The following SENP1 variants were observed in gnomAD, a reference collection of about 807,000 sequenced individuals.
SENP1 encodes sentrin-specific protease 1.
Under a neutral mutation model 93.0 loss-of-function variants are expected in SENP1, and 21 were observed. The observed-to-expected ratio is 0.23, with a 90% CI of 0.16 to 0.33. The LOEUF (loss-of-function observed/expected upper bound fraction) is 0.33, where lower values mean the gene tolerates loss of function less well. Ranked by LOEUF, SENP1 falls within the 10% of genes least tolerant of loss-of-function variation. SENP1 has a pLI of 1.00. For synonymous variants in SENP1, 256 were observed against 259.6 expected (o/e 0.99, Z 0.13); for missense variants, 591 against 758.7 (o/e 0.78, Z 2.60).
chr12:48,101,560 C>T, intron 1 of SENP1, 44 bp from the exon 2 acceptor site: 8 of 1,002,378 alleles, frequency 8.0e-6, no homozygotes, highest in Non-Finnish European at 1.2e-5. Context: ...TACTGAAACA[C>T]CTACTTCACT....
rs969919285 is a variant in SENP1, at chr12:48,077,282, T to C, written c.553-2489A>G. 4.6e-5 allele frequency among the ~76,000 whole-genome samples: 7 copies of C among 152,246 alleles called. No individual in the cohort carries two copies. The East Asian group carries it at 5.8e-4, about 13-fold the overall frequency. On this transcript the variant is annotated intron_variant, in intron 6 of 17. Coordinates refer to ENST00000549518, the MANE Select transcript of SENP1 (RefSeq NM_001267594.2). ...TGCTTTTTAGTTTGATGTACTCCCATGTGCCTACTTCTGCTTTTGTTGCCT... is the reference window on the plus strand; with the variant it reads ...TGCTTTTTAGTTTGATGTACTCCCACGTGCCTACTTCTGCTTTTGTTGCCT...
At chr12:48,094,590 G>T (rs1175225579) in intron 4 of SENP1, among the ~76,000 whole-genome samples, 1 of 152,064 alleles carries the variant, frequency 6.6e-6, no homozygotes, top group Non-Finnish European at 1.5e-5. Flanking sequence ...TGAGGCAGGT[G>T]AATTGCTTGA....
chr12:48,089,619 A>T (rs1372737844), intron 4 of SENP1, among the ~76,000 whole-genome samples: 1 of 152,186 alleles, frequency 6.6e-6, no homozygotes, highest in Non-Finnish European at 1.5e-5. Flanking sequence ...TTATTATTTG[A>T]ATTTTCTAAC....
At position 48,043,850 on chromosome 12, in the gene SENP1, CA is replaced by C. The variant is rs1941166716; in HGVS notation, c.*1471del. 1 of 152,614 alleles carries C rather than the reference CA, an allele frequency of 6.6e-6. No homozygotes were observed. Among genetic ancestry groups the C allele is most frequent in the African/African-American group, 2.4e-5 (1 of 41,534 alleles). The allele number at this position is 152,614 out of a possible 1,614,324, so 9.5% of individuals were successfully genotyped here. A position where few individuals can be genotyped will look rare whatever the true frequency, so the allele number is the denominator to read the frequency against. ...ATGTACTAAACGAGCTTGTATAAAA[CA>C]GTAAAATTTTCAAATAAGCCCAGGG... On this transcript the variant is annotated 3_prime_UTR_variant, in exon 18 of 18. Coordinates refer to ENST00000549518, the MANE Select transcript of SENP1 (RefSeq NM_001267594.2).
At chr12:48,104,320 T>C (rs1266361862) in intron 1 of SENP1, among the ~76,000 whole-genome samples, 2 of 81,220 alleles carry the variant, frequency 2.5e-5, no homozygotes, top group Non-Finnish European at 4.5e-5. Context: ...GTTAGCTTTA[T>C]CCAGGACCAA....
At chr12:48,051,787 C>T (rs1941836735) in intron 13 of SENP1, among the ~76,000 whole-genome samples, 1 of 152,188 alleles carries the variant, frequency 6.6e-6, no homozygotes. Context: ...TGGCAACAGC[C>T]CTTTCCTCAA....
At chr12:48,062,543 G>GA (rs1185342922) in intron 13 of SENP1, among the ~76,000 whole-genome samples, 1 of 152,126 alleles carries the variant, frequency 6.6e-6, no homozygotes, top group Non-Finnish European at 1.5e-5. Context: ...TGGCCCCAGA[G>GA]AAAAAAAGCA....
intron 6 of SENP1, among the ~76,000 whole-genome samples, chr12:48,077,927 G>C (rs1178165118): frequency 6.6e-6 from 1 of 151,830 alleles, no homozygotes; most frequent in Non-Finnish European, 1.5e-5. Flanking sequence ...GGATTTATGT[G>C]GTCATATGAA....
chr12:48,074,300 G>A, intron 8 of SENP1, 24 bp downstream of exon 8: 7 of 1,578,806 alleles, frequency 4.4e-6, no homozygotes, highest in Non-Finnish European at 5.2e-6. Context: ...GACTAAAAAT[G>A]TAGTTATATG....
intron 13 of SENP1, among the ~76,000 whole-genome samples, chr12:48,059,357 T>G (rs1034512407): frequency 6.6e-6 from 1 of 152,168 alleles, no homozygotes; most frequent in Non-Finnish European, 1.5e-5. Flanking sequence ...AATTTTTTCT[T>G]ATGAAGTGTC....
chr12:48,105,291 T>C (rs542626533), intron 1 of SENP1: 4 of 480,624 alleles, frequency 8.3e-6, no homozygotes, highest in Middle Eastern at 3.5e-4. Flanking sequence ...GTGGAAATAC[T>C]GCACAGGCAC....
chr12:48,070,060 A>C (rs910036904), intron 9 of SENP1, among the ~76,000 whole-genome samples: 4 of 152,222 alleles, frequency 2.6e-5, no homozygotes, highest in African/African-American at 9.6e-5. Context: ...CAGAGGAAGA[A>C]GTATTTGATA....
intron 13 of SENP1, among the ~76,000 whole-genome samples, chr12:48,062,947 C>T (rs1012504879): frequency 2.0e-5 from 3 of 152,140 alleles, no homozygotes; most frequent in African/African-American, 7.2e-5. Context: ...AAAAATCCTC[C>T]ACAGCTGTGA....
intron 16 of SENP1, 36 bp from the exon 17 acceptor site, chr12:48,046,487 C>A: frequency 2.2e-6 from 3 of 1,358,780 alleles, no homozygotes; most frequent in Non-Finnish European, 2.1e-6. Context: ...GACATCTTTC[C>A]AAGCTTCTTT....
In SENP1 at chr12:48,076,799, C is replaced by T. The variant is rs184145716; in HGVS notation, c.553-2006G>A. 3.1e-3 allele frequency among the ~76,000 whole-genome samples: 467 copies of T among 152,028 alleles called. 3 individuals carry two copies. The highest frequency in any genetic ancestry group is 0.01 in the African/African-American group (434 of 41,458). On this transcript the variant is annotated intron_variant, in intron 6 of 17. Coordinates refer to ENST00000549518, the MANE Select transcript of SENP1 (RefSeq NM_001267594.2). ...CTGGAACTACAGGTGTGCGCCACCA[C>T]GCCCAGCCATTTTTTTTTATTATTT...
chr12:48,062,578 A>G (rs1320996398), intron 13 of SENP1, among the ~76,000 whole-genome samples: 1 of 152,218 alleles, frequency 6.6e-6, no homozygotes, highest in African/African-American at 2.4e-5. Context: ...TATGGCTCCT[A>G]AGTTCTATAT....
intron 4 of SENP1, 88 bp downstream of exon 4, chr12:48,096,255 T>C: frequency 1.5e-6 from 1 of 681,950 alleles, no homozygotes; most frequent in East Asian, 2.9e-5. Context: ...GACAATGTTT[T>C]TACTTTTGGA....
chr12:48,095,535 C>CAAAAAAAAAAAAAAAAA (rs3054235), intron 4 of SENP1, among the ~76,000 whole-genome samples: 1 of 85,882 alleles, frequency 1.2e-5, no homozygotes, highest in Non-Finnish European at 2.3e-5. Flanking sequence ...GACTCTGTGT[C>CAAAAAAAAAAAAAAAAA]AAAAAAAAAA....
intron 6 of SENP1, among the ~76,000 whole-genome samples, chr12:48,077,860 G>A (rs895606879): frequency 2.6e-5 from 4 of 151,996 alleles, no homozygotes; most frequent in African/African-American, 7.3e-5. Flanking sequence ...TTTGAAATAA[G>A]CTAGTGTGGT....
Sources: gnomAD v4.1 joint callset for allele counts (sites outside exome capture counted in the v4.1 genomes callset) on GRCh38, gnomAD v4.1.1 for gene constraint, MANE v1.5 for transcripts, NCBI Gene and HGNC (gene_info 2026-07-23, HGNC 2026-07-21) for gene names.